Variants in PDE11A observed in about 807,000 individuals in gnomAD.
PDE11A encodes phosphodiesterase 11A.
Under a neutral mutation model 100.5 loss-of-function variants are expected in PDE11A, and 100 were observed. The ratio of observed to expected loss-of-function variants is 1.00; its 90% CI spans 0.85 to 1.18. PDE11A has a LOEUF of 1.18. Among genes scored for constraint, PDE11A ranks in the 50% most tolerant of loss-of-function variants. PDE11A has a pLI of 0.00. For missense variants in PDE11A, 1,141 were observed against 1,152.6 expected, an observed-to-expected ratio of 0.99 and a Z score of 0.15; for synonymous variants, 381 against 420.8, an observed-to-expected ratio of 0.91 and a Z score of 1.16.
chr2:177,910,108 A>G (rs1161030055), intron 2 of PDE11A, among the ~76,000 whole-genome samples: 1 of 152,210 alleles, frequency 6.6e-6, no homozygotes, highest in Non-Finnish European at 1.5e-5. Flanking sequence ...TGGAGACAAT[A>G]TTATACCTTC....
chr2:177,950,763 T>C (rs539690465), intron 2 of PDE11A, among the ~76,000 whole-genome samples: 2 of 152,130 alleles, frequency 1.3e-5, no homozygotes, highest in Admixed American at 1.3e-4. Flanking sequence ...TACAAAACAT[T>C]AGCCGAGCGC....
chr2:177,890,401 C>T (rs2084511062), intron 4 of PDE11A, among the ~76,000 whole-genome samples: 1 of 152,180 alleles, frequency 6.6e-6, no homozygotes, highest in Admixed American at 6.5e-5. Flanking sequence ...CTGTTTCAAG[C>T]AAGTATACAT....
At chr2:177,759,197 A>G (rs894355375) in intron 10 of PDE11A, among the ~76,000 whole-genome samples, 4 of 151,344 alleles carry the variant, frequency 2.6e-5, no homozygotes, top group African/African-American at 9.8e-5. Flanking sequence ...ACACACACAC[A>G]CACACGCACA....
intron 9 of PDE11A, among the ~76,000 whole-genome samples, chr2:177,780,544 G>C (rs2082439880): frequency 6.6e-6 from 1 of 152,200 alleles, no homozygotes; most frequent in Non-Finnish European, 1.5e-5. Flanking sequence ...GAAATTCCTA[G>C]ATGGCATCTT....
At chr2:178,070,711 T>A (rs2087115159) in intron 1 of PDE11A, among the ~76,000 whole-genome samples, 1 of 152,144 alleles carries the variant, frequency 6.6e-6, no homozygotes, top group Admixed American at 6.5e-5. Flanking sequence ...GCATGTTGGG[T>A]TTCCTTTTCC....
At chr2:177,779,854 G>C (rs1272319159) in intron 9 of PDE11A, among the ~76,000 whole-genome samples, 2 of 152,214 alleles carry the variant, frequency 1.3e-5, no homozygotes, top group Non-Finnish European at 2.9e-5. Flanking sequence ...ATGGCATTTA[G>C]AATGGTGAAT....
Position 177,628,384 on chromosome 2 carries a change from G to A in PDE11A, c.*1023C>T, listed in dbSNP as rs1476765211. The A allele has an allele frequency of 6.6e-6, 1 of 152,564 alleles. No individual in the cohort carries two copies. Among genetic ancestry groups the A allele is most frequent in the Non-Finnish European group, 1.5e-5 (1 of 68,030 alleles). 9.5% of individuals were successfully genotyped at this position (152,564 alleles called of 1,614,324 possible). On this transcript the variant is annotated 3_prime_UTR_variant, in exon 20 of 20. Coordinates refer to ENST00000286063, the MANE Select transcript of PDE11A (RefSeq NM_016953.4). The stretch of plus-strand genomic sequence containing the variant: ...GTTTATTCTTACCTATTGTAAACCT[G>A]GCTTCCTATAGAATATGCGTTCTTT...
intron 2 of PDE11A, among the ~76,000 whole-genome samples, chr2:177,981,151 A>C (rs908923786): frequency 2.0e-5 from 3 of 150,890 alleles, no homozygotes; most frequent in African/African-American, 7.2e-5. Flanking sequence ...TGGGAAGATA[A>C]TAATAGCCTT....
In PDE11A at chr2:177,685,866, C is replaced by A. The variant is rs74625156; in HGVS notation, c.2346-4963G>T. Among the ~76,000 whole-genome samples, 60 of 152,280 alleles carry A rather than the reference C, an allele frequency of 3.9e-4. No individual in the cohort carries two copies. In the East Asian group the frequency reaches 0.011, roughly 28 times the overall value. ...ACAGGTGTGAGCCATCGTGCTGGCCCAAATTCCTTTCTATAAAAAATGCAA... is the reference window on the plus strand; with the variant it reads ...ACAGGTGTGAGCCATCGTGCTGGCCAAAATTCCTTTCTATAAAAAATGCAA... On this transcript the variant is annotated intron_variant, in intron 15 of 19. Transcript: ENST00000286063.
At chr2:178,088,070 G>A (rs2105882234) in intron 2 of PDE11A, among the ~76,000 whole-genome samples, 1 of 152,218 alleles carries the variant, frequency 6.6e-6, no homozygotes, top group East Asian at 1.9e-4. Flanking sequence ...TGCAACCCCT[G>A]ACTCACATGA....
At chr2:177,990,752 G>T (rs1574326937) in intron 2 of PDE11A, among the ~76,000 whole-genome samples, 1 of 122,456 alleles carries the variant, frequency 8.2e-6, no homozygotes. Flanking sequence ...AAAAAAAAAA[G>T]GAAAAAAAAG....
At chr2:177,781,197 G>A (rs1200260212) in intron 9 of PDE11A, among the ~76,000 whole-genome samples, 1 of 152,208 alleles carries the variant, frequency 6.6e-6, no homozygotes, top group East Asian at 1.9e-4. Context: ...CCAAGGAAAG[G>A]GAGAGAGATG....
chr2:177,969,132 G>A (rs1195456114), intron 2 of PDE11A, among the ~76,000 whole-genome samples: 1 of 152,134 alleles, frequency 6.6e-6, no homozygotes, highest in Non-Finnish European at 1.5e-5. Flanking sequence ...CATGAATGAA[G>A]CTGGAAGCCA....
At chr2:177,824,060 A>G (rs1401726634) in intron 6 of PDE11A, among the ~76,000 whole-genome samples, 1 of 152,136 alleles carries the variant, frequency 6.6e-6, no homozygotes, top group Non-Finnish European at 1.5e-5. Flanking sequence ...AATTTTGTTT[A>G]CCCATCACTT....
intron 5 of PDE11A, among the ~76,000 whole-genome samples, chr2:177,844,164 G>A (rs879622829): frequency 2.6e-5 from 4 of 152,154 alleles, no homozygotes; most frequent in African/African-American, 4.8e-5. Flanking sequence ...CATAAGTTGG[G>A]TGACTTATAA....
At chr2:177,970,699 G>A (rs1198573677) in intron 2 of PDE11A, among the ~76,000 whole-genome samples, 5 of 152,114 alleles carry the variant, frequency 3.3e-5, no homozygotes, top group African/African-American at 7.2e-5. Context: ...AATAATGTAC[G>A]CTAATGAGAC....
At chr2:177,782,820 C>T (rs1379451066) in intron 9 of PDE11A, among the ~76,000 whole-genome samples, 4 of 151,710 alleles carry the variant, frequency 2.6e-5, no homozygotes, top group Non-Finnish European at 4.4e-5. Context: ...TCTTTCTCTC[C>T]CTTTCTTTTC....
At chr2:177,858,966 A>C (rs539547917) in intron 5 of PDE11A, among the ~76,000 whole-genome samples, 1,681 of 152,168 alleles carry the variant, frequency 0.011, 31 homozygotes, top group African/African-American at 0.038. Flanking sequence ...TGAAGCTGGA[A>C]ACCATCATTC....
intron 12 of PDE11A, 62 bp from the exon 13 acceptor site, chr2:177,711,940 G>T (rs942098510): frequency 2.4e-6 from 2 of 845,820 alleles, no homozygotes; most frequent in Non-Finnish European, 2.0e-6. Context: ...ATAAGGTTAG[G>T]TGCTGAGCAA....
Sources: allele counts gnomAD v4.1 joint callset (sites outside exome capture counted in the v4.1 genomes callset), GRCh38; gene constraint gnomAD v4.1.1; transcripts MANE v1.5; gene names NCBI Gene and HGNC (gene_info 2026-07-23, HGNC 2026-07-21).